CSMD3: variants seen among roughly 807,000 people sequenced by gnomAD.
The protein encoded by CSMD3 is CUB and sushi domain-containing protein 3.
A neutral mutation model predicts 435.2 loss-of-function variants in CSMD3; 177 were observed. That is an observed-to-expected ratio of 0.41 (90% CI 0.36 to 0.46). The LOEUF (loss-of-function observed/expected upper bound fraction) is 0.46. CSMD3 is among the 20% of genes least tolerant of loss of function. The pLI is 0.34. For synonymous variants in CSMD3, 1,656 were observed against 1,520.5 expected (o/e 1.09, Z -2.07); for missense variants, 4,265 against 4,504.6 (o/e 0.95, Z 1.52).
intron 12 of CSMD3, among the ~76,000 whole-genome samples, chr8:112,802,052 T>C (rs1422752003): frequency 6.6e-6 from 1 of 151,964 alleles, no homozygotes; most frequent in East Asian, 1.9e-4. Flanking sequence ...ACTTATCCTA[T>C]TGCCCTGATT....
chr8:113,349,948 C>T (rs2132903138), intron 1 of CSMD3, among the ~76,000 whole-genome samples: 1 of 152,042 alleles, frequency 6.6e-6, no homozygotes. Flanking sequence ...AGTCTGTGTC[C>T]ATTCTGGGTC....
At chr8:112,260,876 A>T (rs1406946141) in intron 61 of CSMD3, among the ~76,000 whole-genome samples, 1 of 152,168 alleles carries the variant, frequency 6.6e-6, no homozygotes, top group Non-Finnish European at 1.5e-5. Context: ...TTTGGGTGAT[A>T]GTTACACTAA....
At chr8:112,429,759 T>A (rs1813460740) in intron 32 of CSMD3, among the ~76,000 whole-genome samples, 1 of 152,048 alleles carries the variant, frequency 6.6e-6, no homozygotes, top group African/African-American at 2.4e-5. Context: ...ATGCTTATGA[T>A]TAAAATATTA....
intron 11 of CSMD3, among the ~76,000 whole-genome samples, chr8:112,846,972 CT>C (rs1564020042): frequency 6.6e-6 from 1 of 151,868 alleles, no homozygotes; most frequent in African/African-American, 2.4e-5. Context: ...ACCAGAGCTA[CT>C]TTTCTTGGCT....
chr8:113,423,779 G>A (rs1037885889), intron 1 of CSMD3, among the ~76,000 whole-genome samples: 1 of 151,800 alleles, frequency 6.6e-6, no homozygotes, highest in Non-Finnish European at 1.5e-5. Context: ...ACACTTGGAA[G>A]TGCTTTCCTT....
At chr8:112,506,973 C>G (rs1455432562) in intron 28 of CSMD3, 144 bp from the exon 29 acceptor site, 1 of 699,722 alleles carries the variant, frequency 1.4e-6, no homozygotes, top group Admixed American at 2.4e-5. Context: ...TTGGATACAG[C>G]ATTATGTTTC....
At chr8:112,772,307 C>T (rs191043360) in intron 13 of CSMD3, among the ~76,000 whole-genome samples, 1 of 152,040 alleles carries the variant, frequency 6.6e-6, no homozygotes, top group Admixed American at 6.6e-5. Flanking sequence ...AACCCTACCC[C>T]GAACCCTGTG....
At chr8:112,911,962 A>G (rs2082432185) in intron 10 of CSMD3, among the ~76,000 whole-genome samples, 1 of 149,392 alleles carries the variant, frequency 6.7e-6, no homozygotes, top group African/African-American at 2.4e-5. Flanking sequence ...ACATTTCAAC[A>G]TATTTATTGC....
chr8:112,560,844 A>C (rs1828558962), intron 24 of CSMD3, among the ~76,000 whole-genome samples: 2 of 151,668 alleles, frequency 1.3e-5, no homozygotes, highest in Admixed American at 6.6e-5. Flanking sequence ...AGCAGATATA[A>C]TATTCAGTTT....
At chr8:112,931,274 A>C (rs2083098451) in intron 9 of CSMD3, among the ~76,000 whole-genome samples, 1 of 152,008 alleles carries the variant, frequency 6.6e-6, no homozygotes, top group Admixed American at 6.6e-5. Flanking sequence ...ACTTCCTCTA[A>C]TCATAAAGAT....
At chr8:113,215,839 T>TA (rs922664422) in intron 3 of CSMD3, among the ~76,000 whole-genome samples, 235 of 151,500 alleles carry the variant, frequency 1.6e-3, no homozygotes, top group African/African-American at 4.9e-3. Flanking sequence ...TTTTTCTTTT[T>TA]AAAAAAAAAT....
chr8:112,919,282 A>G (rs2082663937), intron 10 of CSMD3, among the ~76,000 whole-genome samples: 1 of 151,872 alleles, frequency 6.6e-6, no homozygotes, highest in Admixed American at 6.6e-5. Flanking sequence ...CCAATCATAC[A>G]TTAATATTCA....
At chr8:112,756,049 T>G (rs2132124837) in intron 13 of CSMD3, among the ~76,000 whole-genome samples, 1 of 152,134 alleles carries the variant, frequency 6.6e-6, no homozygotes, top group Admixed American at 6.5e-5. Context: ...TCTTGAGGAA[T>G]TAAGAACTGC....
At chr8:112,537,921 A>G (rs1345208302) in intron 27 of CSMD3, among the ~76,000 whole-genome samples, 1 of 152,070 alleles carries the variant, frequency 6.6e-6, no homozygotes, top group African/African-American at 2.4e-5. Flanking sequence ...ACACAGCATG[A>G]AAAGAAAACA....
intron 1 of CSMD3, among the ~76,000 whole-genome samples, chr8:113,412,672 A>G (rs927966575): frequency 6.6e-6 from 1 of 152,134 alleles, no homozygotes; most frequent in Admixed American, 6.6e-5. Flanking sequence ...GTATAAAAGC[A>G]TTTCATAATA....
chr8:112,315,360 T>C (rs907571492), intron 47 of CSMD3, among the ~76,000 whole-genome samples: 9 of 151,962 alleles, frequency 5.9e-5, no homozygotes, highest in African/African-American at 1.9e-4. Flanking sequence ...GTTGTTGGCA[T>C]CAATTGCATT....
intron 4 of CSMD3, among the ~76,000 whole-genome samples, chr8:113,153,382 T>TGCATAATTATTATAAGAG (rs2091870267): frequency 6.6e-6 from 1 of 152,032 alleles, no homozygotes; most frequent in Admixed American, 6.6e-5. Flanking sequence ...TATGCCAAGA[T>TGCATAATTATTATAAGAG]GCATAATTAT....
intron 12 of CSMD3, among the ~76,000 whole-genome samples, chr8:112,801,621 C>T (rs1205237452): frequency 1.3e-5 from 2 of 151,974 alleles, no homozygotes; most frequent in East Asian, 1.9e-4. Flanking sequence ...TATATATACA[C>T]ATAATCATTT....
intron 4 of CSMD3, among the ~76,000 whole-genome samples, chr8:113,105,414 T>G (rs1339789098): frequency 6.6e-6 from 1 of 152,120 alleles, no homozygotes; most frequent in Non-Finnish European, 1.5e-5. Flanking sequence ...GGAATGTTAG[T>G]CATAGGGCAA....
Sources: allele counts gnomAD v4.1 joint callset (sites outside exome capture counted in the v4.1 genomes callset), GRCh38; gene constraint gnomAD v4.1.1; transcripts MANE v1.5; gene names NCBI Gene and HGNC (gene_info 2026-07-23, HGNC 2026-07-21).